The following KCNQ2 variants were observed in gnomAD, a reference collection of about 807,000 sequenced individuals.
The protein encoded by KCNQ2 is potassium voltage-gated channel subfamily Q member 2.
In KCNQ2, 14 loss-of-function variants were observed where a neutral mutation model predicts 84.8. The observed-to-expected ratio is 0.17, with a 90% CI of 0.11 to 0.26. The LOEUF (loss-of-function observed/expected upper bound fraction) is 0.26. Ranked by LOEUF, KCNQ2 falls within the 10% of genes least tolerant of loss-of-function variation. The pLI is 1.00. For synonymous variants in KCNQ2, 599 were observed against 554.1 expected, an observed-to-expected ratio of 1.08 and a Z score of -1.14; for missense variants, 788 against 1,254.0, an observed-to-expected ratio of 0.63 and a Z score of 5.61.
chr20:63,458,158 C>A (rs1363149870), intron 1 of KCNQ2, among the ~76,000 whole-genome samples: 1 of 152,072 alleles, frequency 6.6e-6, no homozygotes, highest in Non-Finnish European at 1.5e-5. Flanking sequence ...TACTCTTCCT[C>A]CCGGCATGCC....
chr20:63,462,575 C>T (rs1329698263), intron 1 of KCNQ2, among the ~76,000 whole-genome samples: 2 of 152,222 alleles, frequency 1.3e-5, no homozygotes, highest in African/African-American at 4.8e-5. Context: ...TGTAACTTTT[C>T]AATGACAGGA....
chr20:63,436,149 G>A (rs2080994716), intron 7 of KCNQ2, among the ~76,000 whole-genome samples: 1 of 152,190 alleles, frequency 6.6e-6, no homozygotes, highest in African/African-American at 2.4e-5. Flanking sequence ...TGGGTAAAAC[G>A]CTATCCAACA....
chr20:63,442,842 CCATCACCATCACCACCACCAT>C (rs2081235591), intron 4 of KCNQ2, among the ~76,000 whole-genome samples: 1 of 26,734 alleles, frequency 3.7e-5, no homozygotes, highest in Non-Finnish European at 7.6e-5. Context: ...ACCACCACCA[CCATCACCATCACCACCACCAT>C]CACCATCACC....
chr20:63,450,789 C>G (rs1029604603), intron 1 of KCNQ2, among the ~76,000 whole-genome samples: 2 of 151,920 alleles, frequency 1.3e-5, no homozygotes, highest in Non-Finnish European at 2.9e-5. Context: ...TCCATTTTGT[C>G]TCACAGGGCA....
At chr20:63,431,195 G>A (rs2080775950) in intron 9 of KCNQ2, 145 bp downstream of exon 9, 5 of 951,042 alleles carry the variant, frequency 5.3e-6, no homozygotes, top group Middle Eastern at 2.5e-4. Flanking sequence ...AGGGCAGGGG[G>A]CATAGGGATG....
chr20:63,415,651 C>G (rs2145563831), intron 12 of KCNQ2, among the ~76,000 whole-genome samples: 1 of 152,256 alleles, frequency 6.6e-6, no homozygotes, highest in South Asian at 2.1e-4. Flanking sequence ...TGTCTGTGGA[C>G]TCTTAAATCA....
chr20:63,469,156 C>T lies in KCNQ2; in HGVS notation c.296+3012G>A, dbSNP rs2082149845. 1.3e-5 allele frequency among the ~76,000 whole-genome samples: 2 copies of T among 152,186 alleles called. 1 individual carries two copies. The highest frequency in any genetic ancestry group is 4.1e-4 in the South Asian group (2 of 4,830). The stretch of plus-strand genomic sequence containing the variant: ...AGGCTGGAGCCCGGGATTCAGGCTC[C>T]GAAGGGCCCCCCATGGTGATCTGGC... On this transcript the variant is annotated intron_variant, in intron 1 of 16. Transcript: ENST00000359125.
In KCNQ2 at chr20:63,439,761, G is replaced by T. The variant is rs868037797; in HGVS notation, c.817-53C>A. 5.0e-6 allele frequency: 7 copies of T among 1,409,826 alleles called. No homozygotes were observed. In the South Asian group the frequency reaches 8.0e-5, roughly 16 times the overall value. The allele number at this position is 1,409,826 out of a possible 1,614,324, so 87.3% of individuals were successfully genotyped here. On this transcript the variant is annotated intron_variant, in intron 5 of 16. Transcript: ENST00000359125. ...GAAGGGCCTGCTCACACCCCTGAGG[G>T]CAGGCTGGACGCCCGCTGGCGACTC...
Position 63,400,418 on chromosome 20 carries a change from T to C in KCNQ2, c.*6226A>G, listed in dbSNP as rs1340984422. Reference sequence around the variant, plus strand: ...GTAAGTTAATATCTCAGCTAATCTGTTAGAAAACTAGAGTTCATTCCCTGG... The same window carrying C: ...GTAAGTTAATATCTCAGCTAATCTGCTAGAAAACTAGAGTTCATTCCCTGG... On this transcript the variant is annotated 3_prime_UTR_variant, in exon 17 of 17. Transcript: ENST00000359125. The surrounding 1 kb of genome is among the most constrained non-coding windows in gnomAD (Gnocchi z 8.7). 3 of 395,334 alleles carry C rather than the reference T, an allele frequency of 7.6e-6. No individual in the cohort carries two copies. Among genetic ancestry groups the C allele is most frequent in the Non-Finnish European group, 1.3e-5 (3 of 224,618 alleles). 24.5% of individuals were successfully genotyped at this position (395,334 alleles called of 1,614,324 possible).
chr20:63,434,127 TGAA>T (rs2080916453), intron 7 of KCNQ2: 1 of 555,012 alleles, frequency 1.8e-6, no homozygotes. Flanking sequence ...CGGTGGGGCC[TGAA>T]GGAGGGGAGC....
intron 4 of KCNQ2, among the ~76,000 whole-genome samples, chr20:63,443,412 CCATCACCACCATCATCACCAT>C (rs2081311910): frequency 4.1e-5 from 1 of 24,574 alleles, no homozygotes; most frequent in Non-Finnish European, 1.1e-4. Context: ...ACCACCATCA[CCATCACCACCATCATCACCAT>C]CACCATCACC....
At chr20:63,448,067 G>T (rs911428943) in intron 1 of KCNQ2, 2 of 152,248 alleles carry the variant, frequency 1.3e-5, no homozygotes, top group African/African-American at 4.8e-5. Context: ...CCACATAGAA[G>T]AGACATAGAA....
chr20:63,417,654 C>A (rs959055094), intron 12 of KCNQ2, among the ~76,000 whole-genome samples: 3 of 152,252 alleles, frequency 2.0e-5, no homozygotes, highest in African/African-American at 7.2e-5. Context: ...GGCGGCCACA[C>A]AGACGTGCGG....
Position 63,436,040 on chromosome 20 carries a change from G to A in KCNQ2, c.1024-2137C>T, listed in dbSNP as rs550089732. Among the ~76,000 whole-genome samples the A allele has an allele frequency of 1.2e-3, 183 of 148,254 alleles. 2 individuals are homozygous for A. The highest frequency in any genetic ancestry group is 4.3e-3 in the African/African-American group (174 of 40,222). On this transcript the variant is annotated intron_variant, in intron 7 of 16. Coordinates refer to ENST00000359125, the MANE Select transcript of KCNQ2 (RefSeq NM_172107.4). ...ACTCCAGGCAAAGATGTTGTGAACT[G>A]TGTTGAAATGACAAGGAATGAGAAC...
intron 11 of KCNQ2, among the ~76,000 whole-genome samples, chr20:63,421,150 G>C (rs1601594909): frequency 6.6e-6 from 1 of 152,146 alleles, no homozygotes; most frequent in African/African-American, 2.4e-5. Context: ...AACCTCCCAA[G>C]GTCTCCTGTT....
At chr20:63,462,205 G>A (rs11906409) in intron 1 of KCNQ2, among the ~76,000 whole-genome samples, 2 of 118,060 alleles carry the variant, frequency 1.7e-5, no homozygotes, top group African/African-American at 6.7e-5. Flanking sequence ...CTACCCCAGG[G>A]AGCAGGGAGG....
chr20:63,410,842 G>T (rs1037650267), intron 15 of KCNQ2, among the ~76,000 whole-genome samples: 2 of 152,160 alleles, frequency 1.3e-5, no homozygotes, highest in Non-Finnish European at 2.9e-5. Context: ...GAAACTGTCT[G>T]CCCTGAGCTG....
chr20:63,462,837 C>T (rs2081989779), intron 1 of KCNQ2, among the ~76,000 whole-genome samples: 1 of 152,148 alleles, frequency 6.6e-6, no homozygotes, highest in Non-Finnish European at 1.5e-5. Context: ...GAGGGGGCCA[C>T]ACGCACAAGG....
At chr20:63,459,975 T>C (rs2081906224) in intron 1 of KCNQ2, 1 of 152,216 alleles carries the variant, frequency 6.6e-6, no homozygotes, top group Admixed American at 6.5e-5. Flanking sequence ...AAGGCTGGAA[T>C]GTGGACAGGT....
Sources: allele counts gnomAD v4.1 joint callset (sites outside exome capture counted in the v4.1 genomes callset), GRCh38; gene constraint gnomAD v4.1.1; non-coding constraint Gnocchi (gnomAD v3.1); transcripts MANE v1.5; gene names NCBI Gene and HGNC (gene_info 2026-07-23, HGNC 2026-07-21).